Variants in BTK observed in about 807,000 individuals in gnomAD.
BTK encodes Bruton tyrosine kinase, also known as tyrosine-protein kinase BTK.
BTK carries 5 observed loss-of-function variants against 57.4 expected under a neutral mutation model. The observed-to-expected ratio is 0.09, with a 90% CI of 0.05 to 0.18. The LOEUF is 0.18. BTK is among the 10% of genes least tolerant of loss of function. The pLI, the probability that BTK is intolerant of heterozygous loss-of-function variation, is 1.00. For missense variants in BTK, 194 were observed against 501.2 expected (o/e 0.39, Z 5.85); for synonymous variants, 154 against 174.3 (o/e 0.88, Z 0.92).
At chrX:101,350,643 C>T (rs1275811818) in intron 18 of BTK, among the ~76,000 whole-genome samples, 3 of 110,056 alleles carry the variant, frequency 2.7e-5, no homozygotes, top group East Asian at 5.7e-4. Context: ...GACCGGGTTT[C>T]ACCATGTTGG....
At chrX:101,384,105 C>T (rs183634285) in intron 1 of BTK, among the ~76,000 whole-genome samples, 7 of 111,806 alleles carry the variant, frequency 6.3e-5, no homozygotes, top group Admixed American at 1.9e-4. Flanking sequence ...CTTTGGAGAA[C>T]GCCCAAACTT....
rs185904502 is a variant in BTK, at chrX:101,374,056, A to C, written c.240+480T>G. On this transcript the variant is annotated intron_variant, in intron 3 of 18. Transcript: ENST00000308731. Reference sequence around the variant, plus strand: ...CGAGACTCTGTCTAAAAAAAGAAAAAAAAAAGAAAAAAAGAAAATACTGAA... The same window carrying C: ...CGAGACTCTGTCTAAAAAAAGAAAACAAAAAGAAAAAAAGAAAATACTGAA... 5.1e-4 allele frequency among the ~76,000 whole-genome samples: 57 copies of C among 111,463 alleles called. 1 individual carries two copies. The East Asian group carries it at 0.014, about 27-fold the overall frequency.
rs190803735 is a variant in BTK, at chrX:101,367,873, C to T, written c.391+2125G>A. Reference sequence around the variant, plus strand: ...CAAGCTGGTGATGGTTGTTTATTCCCACAGATAAATCAGTTAACACAACTA... The same window carrying T: ...CAAGCTGGTGATGGTTGTTTATTCCTACAGATAAATCAGTTAACACAACTA... On this transcript the variant is annotated intron_variant, in intron 5 of 18. Transcript: ENST00000308731. 1.8e-3 allele frequency among the ~76,000 whole-genome samples: 202 copies of T among 111,296 alleles called. 1 individual carries two copies. Among genetic ancestry groups the T allele is most frequent in the Non-Finnish European group, 3.4e-3 (180 of 53,111 alleles).
At chrX:101,361,217 A>G (rs782183925) in intron 7 of BTK, among the ~76,000 whole-genome samples, 168 of 110,756 alleles carry the variant, frequency 1.5e-3, no homozygotes, top group Non-Finnish European at 2.4e-3. Context: ...CTGTCTCAAA[A>G]AAAAACCCAC....
At chrX:101,363,011 G>A (rs1926722297) in intron 5 of BTK, among the ~76,000 whole-genome samples, 1 of 112,479 alleles carries the variant, frequency 8.9e-6, no homozygotes, top group Non-Finnish European at 1.9e-5. Flanking sequence ...CCATTACAAT[G>A]TTCCTGTAAG....
At chrX:101,373,618 T>G (rs781996681) in intron 3 of BTK, among the ~76,000 whole-genome samples, 2 of 112,531 alleles carry the variant, frequency 1.8e-5, no homozygotes, top group African/African-American at 6.4e-5. Context: ...TGTAAGTCTA[T>G]GTACACCAAT....
chrX:101,379,069 G>C (rs1328808256), intron 1 of BTK, among the ~76,000 whole-genome samples: 1 of 108,235 alleles, frequency 9.2e-6, no homozygotes, highest in Non-Finnish European at 1.9e-5. Flanking sequence ...AGCAACTCAG[G>C]AGGCTGAGGC....
chrX:101,359,168 T>C, intron 10 of BTK, 125 bp downstream of exon 10: 1 of 771,405 alleles, frequency 1.3e-6, no homozygotes, highest in South Asian at 2.1e-5. Flanking sequence ...AATGGTGTAA[T>C]TGGGATCCCA....
chrX:101,381,490 T>G (rs1248541842), intron 1 of BTK, among the ~76,000 whole-genome samples: 7 of 111,935 alleles, frequency 6.3e-5, no homozygotes, highest in Non-Finnish European at 1.3e-4. Context: ...GAAGCATCCT[T>G]CACGTTCTAA....
chrX:101,388,997 A>G (rs1201729623), upstream of BTK, among the ~76,000 whole-genome samples: 2 of 111,774 alleles, frequency 1.8e-5, no homozygotes, highest in Non-Finnish European at 3.8e-5. Flanking sequence ...CGGTGTCAGC[A>G]TTGGTGTACA....
upstream of BTK, among the ~76,000 whole-genome samples, chrX:101,387,791 C>T (rs1460875943): frequency 1.8e-5 from 2 of 110,970 alleles, no homozygotes; most frequent in African/African-American, 6.6e-5. Context: ...TATCCTTTCG[C>T]TAGTCACCCC....
chrX:101,371,038 C>G (rs781895690), intron 4 of BTK, among the ~76,000 whole-genome samples: 1 of 112,316 alleles, frequency 8.9e-6, no homozygotes, highest in East Asian at 2.8e-4. Flanking sequence ...CTTTCCACTT[C>G]CTTTTCTGGC....
intron 12 of BTK, among the ~76,000 whole-genome samples, chrX:101,357,797 G>C (rs1926535299): frequency 8.9e-6 from 1 of 111,989 alleles, no homozygotes; most frequent in Non-Finnish European, 1.9e-5. Context: ...GAAATACACT[G>C]CCTAACTGAA....
intron 18 of BTK, chrX:101,352,959 G>A: frequency 2.7e-6 from 1 of 377,005 alleles, no homozygotes; most frequent in South Asian, 4.2e-5. Flanking sequence ...CCAGCTACTT[G>A]GGAGGCTGAG....
At chrX:101,360,497 T>C in intron 8 of BTK, 71 bp downstream of exon 8, 2 of 1,092,242 alleles carry the variant, frequency 1.8e-6, no homozygotes, top group Non-Finnish European at 2.5e-6. Context: ...TCACGGGAAT[T>C]ATGCCGCAGC....
intron 12 of BTK, 161 bp downstream of exon 12, chrX:101,358,149 C>T: frequency 1.3e-6 from 1 of 794,833 alleles, no homozygotes; most frequent in Non-Finnish European, 1.9e-6. Flanking sequence ...GTAGGTCTGC[C>T]TCTGACCACC....
chrX:101,378,995 G>A (rs1372276002), intron 1 of BTK, among the ~76,000 whole-genome samples: 1 of 109,253 alleles, frequency 9.2e-6, no homozygotes, highest in Admixed American at 9.9e-5. Flanking sequence ...CCAACATGGT[G>A]AAATCCCGTC....
upstream of BTK, among the ~76,000 whole-genome samples, chrX:101,388,827 A>G (rs1927694740): frequency 8.9e-6 from 1 of 111,801 alleles, no homozygotes; most frequent in Non-Finnish European, 1.9e-5. Context: ...TTCCTTATGG[A>G]AGTAAAATAT....
chrX:101,352,640 T>C (rs1171484157), intron 18 of BTK, among the ~76,000 whole-genome samples: 1 of 111,913 alleles, frequency 8.9e-6, no homozygotes, highest in Admixed American at 9.5e-5. Flanking sequence ...GGCTCACGCC[T>C]GTAATCCCAG....
Sources: gnomAD v4.1 joint callset for allele counts (sites outside exome capture counted in the v4.1 genomes callset) on GRCh38, gnomAD v4.1.1 for gene constraint, MANE v1.5 for transcripts, NCBI Gene and HGNC (gene_info 2026-07-23, HGNC 2026-07-21) for gene names.